The following CCDC15 variants were observed in gnomAD, a reference collection of about 807,000 sequenced individuals.
CCDC15 encodes the protein coiled-coil domain-containing protein 15.
Under a neutral mutation model 114.5 loss-of-function variants are expected in CCDC15, and 105 were observed. That is an observed-to-expected ratio of 0.92 (90% CI 0.78 to 1.08). The LOEUF is 1.08. CCDC15 is among the 50% of genes least tolerant of loss of function. The pLI is 0.00. For missense variants in CCDC15, 1,105 were observed against 1,093.6 expected (o/e 1.01, Z -0.15); for synonymous variants, 334 against 377.8 (o/e 0.88, Z 1.34).
In CCDC15 at chr11:124,959,096, C is replaced by T; in HGVS notation, c.178-19C>T. On this transcript the variant is annotated intron_variant, in intron 2 of 15. Coordinates refer to ENST00000344762, the MANE Select transcript of CCDC15 (RefSeq NM_025004.3). ...AACTGCTAACATTTAAGTTCATTTTCTGTCTTTCATCTTTAAAGACATCAG... is the reference window on the plus strand; with the variant it reads ...AACTGCTAACATTTAAGTTCATTTTTTGTCTTTCATCTTTAAAGACATCAG... 1 of 1,511,888 alleles carries T rather than the reference C, an allele frequency of 6.6e-7. No homozygotes were observed. Among genetic ancestry groups the T allele is most frequent in the Non-Finnish European group, 8.8e-7 (1 of 1,130,800 alleles). The allele number at this position is 1,511,888 out of a possible 1,614,324, so 93.7% of individuals were successfully genotyped here.
intron 11 of CCDC15, among the ~76,000 whole-genome samples, chr11:124,996,144 T>G (rs1323593659): frequency 6.6e-6 from 1 of 152,074 alleles, no homozygotes; most frequent in African/African-American, 2.4e-5. Flanking sequence ...TTTTCACCTT[T>G]TACGCTGCCA....
rs533370024 is a variant in CCDC15, at chr11:124,954,408, C to G, written c.-10+38C>G. ...CCCTCTTTCTCCGGGTTGCAGCTGT[C>G]ATTCCTCCCTTCCCGCCTCGCTGCG... is the stretch of plus-strand genomic sequence containing the variant. On this transcript the variant is annotated intron_variant, in intron 1 of 15. Transcript: ENST00000344762. 6.2e-4 allele frequency: 127 copies of G among 205,042 alleles called. 1 individual carries two copies. Among genetic ancestry groups the G allele is most frequent in the African/African-American group, 2.7e-3 (115 of 43,140 alleles). 12.7% of individuals were successfully genotyped at this position (205,042 alleles called of 1,614,324 possible). A position where few individuals can be genotyped will look rare whatever the true frequency, so the allele number is the denominator to read the frequency against.
Position 124,991,682 on chromosome 11 carries a change from A to C in CCDC15, c.2031+99A>C, listed in dbSNP as rs531400529. 13 of 1,135,214 alleles carry C rather than the reference A, an allele frequency of 1.1e-5. 1 individual carries two copies. In the Admixed American group the frequency reaches 3.3e-4, roughly 28 times the overall value. 70.3% of individuals were successfully genotyped at this position (1,135,214 alleles called of 1,614,324 possible). ...GAATGAGGGATTTTGGAGCTAACCT[A>C]AGAATATAGTGGCTTTTTTCTGATG... On this transcript the variant is annotated intron_variant, in intron 9 of 15. Coordinates refer to ENST00000344762, the MANE Select transcript of CCDC15 (RefSeq NM_025004.3).
chr11:125,031,406 T>G (rs188548792), intron 13 of CCDC15, among the ~76,000 whole-genome samples: 1 of 152,334 alleles, frequency 6.6e-6, no homozygotes, highest in Admixed American at 6.5e-5. Flanking sequence ...CATAACTTAC[T>G]TGTGCCTTCA....
At chr11:124,998,456 T>TA (rs1258032726) in intron 11 of CCDC15, among the ~76,000 whole-genome samples, 1 of 152,196 alleles carries the variant, frequency 6.6e-6, no homozygotes, top group Non-Finnish European at 1.5e-5. Flanking sequence ...AATTTCATTC[T>TA]AACTGACCTA....
In CCDC15 at chr11:124,991,555, C is replaced by G. The variant is rs1471774941; in HGVS notation, c.2003C>G (p.Ser668Cys). The G allele has an allele frequency of 5.0e-6, 8 of 1,608,516 alleles. No homozygotes were observed. Among genetic ancestry groups the G allele is most frequent in the Non-Finnish European group, 6.8e-6 (8 of 1,176,706 alleles). Residue 668 changes from serine to cysteine, a missense_variant, in exon 9 of 16, where the codon TCC becomes TGC. Physicochemically the swap from Ser to Cys is moderately radical, Grantham distance 112 (BLOSUM62 -1). Transcript: ENST00000344762. ...GACTATCAGTGTTTGCCTCCCAAAT[C>G]CCAGGACCAGGATGACATCAAAAAT... ...LADYQCLPPK[S>C]QDQDDIKNQQ...
intron 5 of CCDC15, among the ~76,000 whole-genome samples, chr11:124,976,564 G>A (rs1177540810): frequency 1.3e-5 from 2 of 151,822 alleles, no homozygotes; most frequent in Non-Finnish European, 2.9e-5. Context: ...TATAGTTTGG[G>A]CCATTAGACT....
intron 13 of CCDC15, among the ~76,000 whole-genome samples, chr11:125,020,283 A>G (rs1948653275): frequency 6.6e-6 from 1 of 151,932 alleles, no homozygotes; most frequent in Non-Finnish European, 1.5e-5. Flanking sequence ...AGAAGCAGAA[A>G]TCATTTTATC....
In CCDC15 at chr11:124,968,165, G is replaced by A. The variant is rs929833416; in HGVS notation, c.517-6931G>A. 4.6e-5 allele frequency among the ~76,000 whole-genome samples: 7 copies of A among 152,264 alleles called. No individual in the cohort carries two copies. The East Asian group carries it at 1.2e-3, about 25-fold the overall frequency. On this transcript the variant is annotated intron_variant, in intron 4 of 15. Coordinates refer to ENST00000344762, the MANE Select transcript of CCDC15 (RefSeq NM_025004.3). ...TTCTCAGAGCTCAAACTTCATGCTG[G>A]GAGAACCACTGCTCTCTTCAGAGCT...
At chr11:124,993,087 A>T (rs1948297591) in intron 10 of CCDC15, 82 bp from the exon 11 acceptor site, 1 of 806,142 alleles carries the variant, frequency 1.2e-6, no homozygotes, top group East Asian at 2.7e-5. Context: ...TTACTCTGGG[A>T]TTGTCACTGA....
chr11:124,992,583 C>T lies in CCDC15; in HGVS notation c.2035C>T (p.Pro679Ser). The change falls in exon 10 of 16, where the codon CCT (proline) becomes TCT (serine). Residue 679 changes from proline to serine, a missense_variant. Transcript: ENST00000344762. Reference protein sequence around the residue: ...QDQDDIKNQQPASFMREERVR... With the variant: ...QDQDDIKNQQSASFMREERVR... ...CCTTTAAAATATGTTTCTCAAGCAACCTGCATCTTTTATGAGAGAAGAAAG... is the reference window on the plus strand; with the variant it reads ...CCTTTAAAATATGTTTCTCAAGCAATCTGCATCTTTTATGAGAGAAGAAAG... The T allele has an allele frequency of 1.3e-6, 2 of 1,576,968 alleles. No homozygotes were observed. The highest frequency in any genetic ancestry group is 1.7e-6 in the Non-Finnish European group (2 of 1,156,004).
intron 4 of CCDC15, among the ~76,000 whole-genome samples, chr11:124,961,731 G>A (rs948654302): frequency 6.6e-6 from 1 of 152,068 alleles, no homozygotes; most frequent in Non-Finnish European, 1.5e-5. Context: ...TCACCATGTT[G>A]GCCAGGCTGG....
chr11:125,023,675 T>C (rs1477332076), intron 13 of CCDC15, among the ~76,000 whole-genome samples: 1 of 151,860 alleles, frequency 6.6e-6, no homozygotes, highest in Non-Finnish European at 1.5e-5. Flanking sequence ...GAAATTAGAA[T>C]CCCCAAATGT....
chr11:124,995,959 A>T (rs1199474491), intron 11 of CCDC15, among the ~76,000 whole-genome samples: 1 of 151,766 alleles, frequency 6.6e-6, no homozygotes, highest in African/African-American at 2.4e-5. Flanking sequence ...CCTCCTGAGT[A>T]GCTGGGACTA....
chr11:125,038,851 G>C (rs751831946), intron 14 of CCDC15, 70 bp from the exon 15 acceptor site: 6 of 1,508,724 alleles, frequency 4.0e-6, no homozygotes, highest in Non-Finnish European at 4.5e-6. Context: ...AAATCTGGCT[G>C]TAAAATCAGG....
intron 13 of CCDC15, among the ~76,000 whole-genome samples, chr11:125,027,712 T>C (rs1306394679): frequency 6.6e-6 from 1 of 152,220 alleles, no homozygotes; most frequent in Admixed American, 6.5e-5. Flanking sequence ...TTATTTCTTT[T>C]GCCGTGTAGA....
At chr11:125,025,045 A>AATATATATATGAAT (rs369930609) in intron 13 of CCDC15, among the ~76,000 whole-genome samples, 1 of 103,170 alleles carries the variant, frequency 9.7e-6, no homozygotes. Context: ...AATACATATG[A>AATATATATATGAAT]ATATATATGA....
At chr11:125,038,869 C>A in intron 14 of CCDC15, 52 bp from the exon 15 acceptor site, 1 of 1,557,904 alleles carries the variant, frequency 6.4e-7, no homozygotes, top group Non-Finnish European at 8.8e-7. Flanking sequence ...AGGATTCATA[C>A]TCACTTTCTT....
chr11:124,988,240 AG>A, intron 8 of CCDC15, 106 bp downstream of exon 8: 1 of 1,199,958 alleles, frequency 8.3e-7, no homozygotes, highest in Admixed American at 2.7e-5. Flanking sequence ...CTGTGGGTTC[AG>A]TTCCAGGCCA....
Sources: allele counts gnomAD v4.1 joint callset (sites outside exome capture counted in the v4.1 genomes callset), GRCh38; gene constraint gnomAD v4.1.1; transcripts MANE v1.5; gene names NCBI Gene and HGNC (gene_info 2026-07-23, HGNC 2026-07-21).